The following DNAJC2 variants were observed in gnomAD, a reference collection of about 807,000 sequenced individuals.
The protein encoded by DNAJC2 is dnaJ homolog subfamily C member 2.
DNAJC2 carries 32 observed loss-of-function variants against 94.0 expected under a neutral mutation model. The ratio of observed to expected loss-of-function variants is 0.34; its 90% CI spans 0.26 to 0.46. The LOEUF (loss-of-function observed/expected upper bound fraction) is 0.46. Among genes scored for constraint, DNAJC2 ranks in the 20% least tolerant of loss-of-function variants. DNAJC2 has a pLI of 1.00. For synonymous variants in DNAJC2, 210 were observed against 229.7 expected (o/e 0.91, Z 0.77); for missense variants, 550 against 719.5 (o/e 0.76, Z 2.69).
At chr7:103,324,349 G>A in intron 6 of DNAJC2, 133 bp downstream of exon 6, 1 of 683,064 alleles carries the variant, frequency 1.5e-6, no homozygotes. Flanking sequence ...TATCACATAG[G>A]TAACAGAGTG....
intron 1 of DNAJC2, among the ~76,000 whole-genome samples, chr7:103,342,176 T>G (rs558311623): frequency 6.6e-6 from 1 of 152,226 alleles, no homozygotes; most frequent in African/African-American, 2.4e-5. Flanking sequence ...CTCTTCCAGT[T>G]ATCTGACAAA....
intron 5 of DNAJC2, among the ~76,000 whole-genome samples, chr7:103,325,210 G>A (rs1329103191): frequency 6.6e-6 from 1 of 152,172 alleles, no homozygotes; most frequent in African/African-American, 2.4e-5. Flanking sequence ...TTGGGAGGCC[G>A]AGGCCAGCGG....
intron 6 of DNAJC2, 60 bp downstream of exon 6, chr7:103,324,422 T>C (rs1818589404): frequency 7.3e-7 from 1 of 1,371,246 alleles, no homozygotes; most frequent in Non-Finnish European, 9.8e-7. Flanking sequence ...AATCAAGTAC[T>C]TATTGAATAC....
At chr7:103,334,771 T>C (rs1819102133) in intron 3 of DNAJC2, among the ~76,000 whole-genome samples, 1 of 152,092 alleles carries the variant, frequency 6.6e-6, no homozygotes, top group Admixed American at 6.6e-5. Flanking sequence ...TTCATGAGCA[T>C]AATAAAATTA....
intron 3 of DNAJC2, chr7:103,336,444 A>G (rs1399855352): frequency 6.6e-6 from 1 of 152,228 alleles, no homozygotes; most frequent in African/African-American, 2.4e-5. Flanking sequence ...CCTGGGTTCA[A>G]GCAATTCTCC....
At chr7:103,344,179 C>G (rs1317378015) in intron 1 of DNAJC2, 1 of 232,304 alleles carries the variant, frequency 4.3e-6, no homozygotes, top group Admixed American at 5.5e-5. Flanking sequence ...GCGCCAGTAG[C>G]AAAGCTTTGT....
At chr7:103,331,426 C>T (rs567074523) in intron 3 of DNAJC2, among the ~76,000 whole-genome samples, 2 of 152,298 alleles carry the variant, frequency 1.3e-5, no homozygotes, top group African/African-American at 4.8e-5. Flanking sequence ...ACTATCATCA[C>T]CCTACTCTGC....
At chr7:103,313,852 G>T in intron 15 of DNAJC2, 1 of 985,362 alleles carries the variant, frequency 1.0e-6, no homozygotes, top group Non-Finnish European at 1.2e-6. Context: ...TTAAGTGGTA[G>T]AAAGCTGATT....
At chr7:103,316,623 T>A in intron 13 of DNAJC2, 1 of 509,160 alleles carries the variant, frequency 2.0e-6, no homozygotes, top group Non-Finnish European at 3.4e-6. Context: ...GAAACAAGTA[T>A]TCTGTCATAT....
At chr7:103,329,834 ACT>A (rs1265804490) in intron 3 of DNAJC2, among the ~76,000 whole-genome samples, 2 of 152,096 alleles carry the variant, frequency 1.3e-5, no homozygotes, top group African/African-American at 2.4e-5. Flanking sequence ...TAGTCACTTA[ACT>A]CTCTTTTGCT....
At chr7:103,340,877 C>T (rs1819348631) in intron 2 of DNAJC2, among the ~76,000 whole-genome samples, 1 of 152,130 alleles carries the variant, frequency 6.6e-6, no homozygotes, top group South Asian at 2.1e-4. Flanking sequence ...CACTATGGTA[C>T]CAAAACCTCA....
rs1218418234 is a variant in DNAJC2 at position 103,329,040 on chromosome 7, A to G, written c.332-1286T>C. 4.9e-6 allele frequency: 6 copies of G among 1,231,974 alleles called. No individual in the cohort carries two copies. The East Asian group carries it at 1.8e-4, about 38-fold the overall frequency. The allele number at this position is 1,231,974 out of a possible 1,614,324, so 76.3% of individuals were successfully genotyped here. Reference sequence around the variant, plus strand: ...ACATCCTTTTACCACAGCCTCAGCCACAGTACGTCTAATTATTTAAAATTT... The same window carrying G: ...ACATCCTTTTACCACAGCCTCAGCCGCAGTACGTCTAATTATTTAAAATTT... On this transcript the variant is annotated intron_variant, in intron 3 of 16. Transcript: ENST00000379263.
At chr7:103,317,084 A>G in intron 12 of DNAJC2, 70 bp from the exon 13 acceptor site, 2 of 1,390,122 alleles carry the variant, frequency 1.4e-6, no homozygotes, top group Non-Finnish European at 2.0e-6. Flanking sequence ...CTTCCTGGCT[A>G]GGGCTTTGTG....
intron 2 of DNAJC2, among the ~76,000 whole-genome samples, chr7:103,339,340 C>T (rs1423752471): frequency 6.6e-6 from 1 of 152,210 alleles, no homozygotes; most frequent in African/African-American, 2.4e-5. Flanking sequence ...ATACAATCTA[C>T]TTCTTTCTAT....
chr7:103,334,347 A>C (rs1819084927), intron 3 of DNAJC2, among the ~76,000 whole-genome samples: 2 of 151,612 alleles, frequency 1.3e-5, no homozygotes, highest in Admixed American at 1.3e-4. Context: ...GGATCACTTG[A>C]ACTCAGGAGT....
chr7:103,316,762 T>C, intron 13 of DNAJC2, 68 bp downstream of exon 13: 2 of 1,277,382 alleles, frequency 1.6e-6, no homozygotes, highest in South Asian at 1.4e-5. Flanking sequence ...GTGCTGCTAT[T>C]TGGAGTCTGT....
At chr7:103,332,895 A>G (rs1025525048) in intron 3 of DNAJC2, among the ~76,000 whole-genome samples, 6 of 152,232 alleles carry the variant, frequency 3.9e-5, no homozygotes, top group African/African-American at 1.4e-4. Flanking sequence ...AAGTGCTGGG[A>G]TCAAAGGCAT....
At chr7:103,323,563 A>G (rs1818538251) in intron 7 of DNAJC2, 35 bp downstream of exon 7, 2 of 1,429,152 alleles carry the variant, frequency 1.4e-6, no homozygotes, top group African/African-American at 2.9e-5. Context: ...AGAACCAAAT[A>G]AATACCTTCC....
At chr7:103,316,538 C>A (rs1203142038) in intron 13 of DNAJC2, 1 of 308,154 alleles carries the variant, frequency 3.2e-6, no homozygotes, top group Non-Finnish European at 5.9e-6. Context: ...TACAGAAAAC[C>A]TAATCCCTAG....
Sources: allele counts gnomAD v4.1 joint callset (sites outside exome capture counted in the v4.1 genomes callset), GRCh38; gene constraint gnomAD v4.1.1; transcripts MANE v1.5; gene names NCBI Gene and HGNC (gene_info 2026-07-23, HGNC 2026-07-21).